Variants in CDKL3 observed in about 807,000 individuals in gnomAD.
The protein encoded by CDKL3 is cyclin-dependent kinase-like 3.
Under a neutral mutation model 69.3 loss-of-function variants are expected in CDKL3, and 65 were observed. The observed-to-expected ratio is 0.94, with a 90% CI of 0.77 to 1.15. The LOEUF (loss-of-function observed/expected upper bound fraction) is 1.15, where lower values mean the gene tolerates loss of function less well. Among genes scored for constraint, CDKL3 ranks in the 50% most tolerant of loss-of-function variants. The pLI, the probability that CDKL3 is intolerant of heterozygous loss-of-function variation, is 0.00. For synonymous variants in CDKL3, 202 were observed against 221.6 expected (o/e 0.91, Z 0.79); for missense variants, 652 against 689.2 (o/e 0.95, Z 0.61).
intron 4 of CDKL3, among the ~76,000 whole-genome samples, chr5:134,326,697 A>G (rs746897609): frequency 4.0e-5 from 6 of 151,124 alleles, no homozygotes; most frequent in African/African-American, 7.3e-5. Flanking sequence ...CTGGAGTGCA[A>G]TGGCGCAGTC....
At chr5:134,284,159 T>C (rs1171402398), downstream of CDKL3, among the ~76,000 whole-genome samples, 2 of 152,098 alleles carry the variant, frequency 1.3e-5, no homozygotes, top group Non-Finnish European at 2.9e-5. Context: ...CAGTGAATAG[T>C]GGGGGAACCA....
chr5:134,302,256 A>G (rs1437170696), intron 12 of CDKL3: 3 of 460,506 alleles, frequency 6.5e-6, no homozygotes, highest in Admixed American at 2.4e-5. Context: ...GCAAAGACAC[A>G]CATGCTTGTG....
intron 4 of CDKL3, among the ~76,000 whole-genome samples, chr5:134,338,298 G>A (rs1001963857): frequency 5.9e-5 from 9 of 152,070 alleles, no homozygotes; most frequent in African/African-American, 1.2e-4. Flanking sequence ...CTGTATCACT[G>A]GAATTAAACT....
upstream of CDKL3, among the ~76,000 whole-genome samples, chr5:134,370,712 T>C (rs192891475): frequency 1.1e-3 from 164 of 152,342 alleles, 1 homozygote; most frequent in South Asian, 3.5e-3. Context: ...GACTATCTGG[T>C]AGCTTCAAGG....
chr5:134,308,025 CA>C, intron 9 of CDKL3, 112 bp downstream of exon 9: 1 of 1,428,554 alleles, frequency 7.0e-7, no homozygotes, highest in African/African-American at 1.4e-5. Flanking sequence ...GCTTTAATTT[CA>C]ATATATTTTC....
chr5:134,366,814 A>G (rs774592357), intron 1 of CDKL3, among the ~76,000 whole-genome samples, 163 bp downstream of exon 1: 9 of 151,644 alleles, frequency 5.9e-5, no homozygotes, highest in Non-Finnish European at 1.0e-4. Flanking sequence ...CTACCACACT[A>G]TAAGTCACCA....
intron 4 of CDKL3, among the ~76,000 whole-genome samples, chr5:134,346,622 G>A (rs1479904469): frequency 6.6e-6 from 1 of 151,996 alleles, no homozygotes; most frequent in African/African-American, 2.4e-5. Flanking sequence ...TCAGTCTCTC[G>A]AGTAGCTGGG....
At chr5:134,295,208 G>A (rs1450070766), downstream of CDKL3, among the ~76,000 whole-genome samples, 5 of 151,872 alleles carry the variant, frequency 3.3e-5, no homozygotes, top group Non-Finnish European at 5.9e-5. Flanking sequence ...AGTAGAGTCA[G>A]GGTTTCACCA....
chr5:134,347,697 T>TAAAACA (rs1752270106), intron 4 of CDKL3, among the ~76,000 whole-genome samples: 1 of 52,826 alleles, frequency 1.9e-5, no homozygotes. Context: ...CCATCTCTGC[T>TAAAACA]AAAAAAAAAA....
intron 11 of CDKL3, 81 bp from the exon 12 acceptor site, chr5:134,302,768 A>C (rs1766669705): frequency 7.2e-6 from 5 of 693,402 alleles, no homozygotes; most frequent in East Asian, 2.8e-5. Context: ...AATTTCAAAT[A>C]GAAATCCACT....
At chr5:134,299,147 C>G (rs1364401020) in intron 12 of CDKL3, among the ~76,000 whole-genome samples, 3 of 152,218 alleles carry the variant, frequency 2.0e-5, no homozygotes, top group African/African-American at 7.2e-5. Flanking sequence ...GCTGGGATTA[C>G]AGGCGTGAGC....
At chr5:134,290,748 G>C (rs1464952131) in intron 8 of CDKL3, among the ~76,000 whole-genome samples, 1 of 151,918 alleles carries the variant, frequency 6.6e-6, no homozygotes, top group African/African-American at 2.4e-5. Context: ...TATTGCCCAG[G>C]CTGATCTCAA....
rs1297338323 is a variant in CDKL3 at position 134,306,685 on chromosome 5, T to A, written c.1382A>T (p.Lys461Ile). 1 of 1,572,744 alleles carries A rather than the reference T, an allele frequency of 6.4e-7. No individual in the cohort carries two copies. Among genetic ancestry groups the A allele is most frequent in the East Asian group, 2.3e-5 (1 of 42,868 alleles). ...HPSVRLTERA[K>I]KRRTSSQSIG... Reference sequence around the variant, plus strand: ...AGATTGTGAAGAAGTGCGTCTCTTTTTTGCTCTTTCAGTTAACCTATTATT... The same window carrying A: ...AGATTGTGAAGAAGTGCGTCTCTTTATTGCTCTTTCAGTTAACCTATTATT... The change falls in exon 10 of 13, where the codon AAA becomes ATA. Residue 461 changes from lysine to isoleucine, a missense_variant. Coordinates refer to ENST00000265334, the MANE Select transcript of CDKL3 (RefSeq NM_001113575.2).
chr5:134,295,306 C>T (rs1043922045), downstream of CDKL3, among the ~76,000 whole-genome samples: 6 of 152,112 alleles, frequency 3.9e-5, no homozygotes, highest in African/African-American at 1.2e-4. Context: ...TGCAAGCCAC[C>T]ATGCCTGGCC....
intron 8 of CDKL3, among the ~76,000 whole-genome samples, chr5:134,290,279 G>C (rs1469102389): frequency 6.6e-6 from 1 of 150,846 alleles, no homozygotes; most frequent in African/African-American, 2.4e-5. Context: ...TCTTGAACCA[G>C]GGAGTCGGGA....
At chr5:134,287,951 A>G (rs1486787929) in intron 8 of CDKL3, among the ~76,000 whole-genome samples, 4 of 150,742 alleles carry the variant, frequency 2.7e-5, no homozygotes, top group Non-Finnish European at 4.4e-5. Flanking sequence ...CTAGAGTGCA[A>G]TGGTGCAATC....
At chr5:134,359,662 T>C (rs1755519818) in intron 3 of CDKL3, among the ~76,000 whole-genome samples, 1 of 152,210 alleles carries the variant, frequency 6.6e-6, no homozygotes, top group Admixed American at 6.5e-5. Context: ...TTACTGATAC[T>C]GCCTTTACCA....
intron 2 of CDKL3, among the ~76,000 whole-genome samples, chr5:134,360,488 C>T (rs1169382620): frequency 2.0e-5 from 3 of 152,142 alleles, no homozygotes; most frequent in African/African-American, 2.4e-5. Context: ...TGTAGGTGTG[C>T]ACCATCATGC....
chr5:134,308,203 G>A lies in CDKL3; in HGVS notation c.1299C>T (p.Ile433=). 6 of 1,613,884 alleles carry A rather than the reference G, an allele frequency of 3.7e-6. No homozygotes were observed. Among genetic ancestry groups the A allele is most frequent in the Non-Finnish European group, 5.1e-6 (6 of 1,179,820 alleles). The change falls in exon 9 of 13, where the codon ATC becomes ATT. Residue 433 remains isoleucine, a synonymous_variant. Transcript: ENST00000265334. ...CCATCAAATTACTGTTAGTTAGATT[G>A]ATGGGTGGCATTGTCACAGAACCTC... ...HCGGSVTMPP[I]NLTNSNLMAA... is the part of the protein sequence containing the mutation.
Sources: allele counts gnomAD v4.1 joint callset (sites outside exome capture counted in the v4.1 genomes callset), GRCh38; gene constraint gnomAD v4.1.1; transcripts MANE v1.5; gene names NCBI Gene and HGNC (gene_info 2026-07-23, HGNC 2026-07-21).